The following SLC9D1 variants were observed in gnomAD, a reference collection of about 807,000 sequenced individuals.
SLC9D1 encodes the protein solute carrier family 9 member D1.
the SLC9D1 span, among the ~76,000 whole-genome samples, chr13:113,497,619 CTGCAGCTGTGTGAGTCT>C: frequency 6.7e-6 from 1 of 150,304 alleles, no homozygotes; most frequent in East Asian, 2.0e-4. Flanking sequence ...TGTGTGAGAC[CTGCAGCTGTGTGAGTCT>C]TGCAGCTGTG....
chr13:113,523,041 A>G, the SLC9D1 span, among the ~76,000 whole-genome samples: 2 of 151,944 alleles, frequency 1.3e-5, no homozygotes, highest in Non-Finnish European at 2.9e-5. Flanking sequence ...ATTTTTATAC[A>G]TTGCTGCCTT....
At chr13:113,534,326 T>G in the SLC9D1 span, 1 of 1,121,878 alleles carries the variant, frequency 8.9e-7, no homozygotes, top group Non-Finnish European at 1.3e-6. Context: ...TACCTTTCCA[T>G]TTTAATAATG....
the SLC9D1 span, among the ~76,000 whole-genome samples, chr13:113,540,720 G>C: frequency 6.6e-6 from 1 of 152,242 alleles, no homozygotes; most frequent in Non-Finnish European, 1.5e-5. Flanking sequence ...CTGGGCGGAA[G>C]CTCCTTGGCT....
At chr13:113,499,418 A>G in the SLC9D1 span, among the ~76,000 whole-genome samples, 1 of 152,200 alleles carries the variant, frequency 6.6e-6, no homozygotes, top group Non-Finnish European at 1.5e-5. Context: ...TACCCTGCTC[A>G]TATTCAAGAT....
the SLC9D1 span, among the ~76,000 whole-genome samples, chr13:113,521,227 T>A: frequency 4.0e-5 from 6 of 150,662 alleles, no homozygotes; most frequent in African/African-American, 1.5e-4. Context: ...TGGGGGGGCA[T>A]GTGTCTGCAT....
chr13:113,543,155 G>A, the SLC9D1 span, among the ~76,000 whole-genome samples: 2 of 43,298 alleles, frequency 4.6e-5, no homozygotes, highest in Non-Finnish European at 7.6e-5. Context: ...CGTGCCCCCC[G>A]CCCTACCTCT....
the SLC9D1 span, among the ~76,000 whole-genome samples, chr13:113,516,816 T>C: frequency 7.2e-5 from 11 of 152,002 alleles, no homozygotes; most frequent in African/African-American, 2.7e-4. Context: ...TGAAAACACA[T>C]AGAAAGAGGA....
chr13:113,513,228 G>C, the SLC9D1 span, among the ~76,000 whole-genome samples: 1 of 152,162 alleles, frequency 6.6e-6, no homozygotes, highest in East Asian at 1.9e-4. Context: ...ACCCTGGGGA[G>C]ACAAGTCATG....
chr13:113,503,551 T>G, the SLC9D1 span: 1 of 1,614,030 alleles, frequency 6.2e-7, no homozygotes, highest in East Asian at 2.2e-5. Flanking sequence ...ACTCTTTTTC[T>G]TGTTGGCTTA....
the SLC9D1 span, chr13:113,549,636 A>G: frequency 7.1e-7 from 1 of 1,400,662 alleles, no homozygotes; most frequent in South Asian, 1.2e-5. Context: ...GCACCTTGGC[A>G]ACAGAACAGC....
the SLC9D1 span, chr13:113,503,367 G>GAC: frequency 6.5e-6 from 4 of 619,690 alleles, no homozygotes; most frequent in African/African-American, 7.4e-5. Flanking sequence ...GTGTGTGTGT[G>GAC]TGTGTGTGTG....
At chr13:113,536,328 G>T in the SLC9D1 span, among the ~76,000 whole-genome samples, 6 of 145,626 alleles carry the variant, frequency 4.1e-5, no homozygotes, top group Non-Finnish European at 5.9e-5. Context: ...AGTTGATAGA[G>T]CAAGACTGCC....
chr13:113,495,973 T>G, the SLC9D1 span: 11 of 1,613,184 alleles, frequency 6.8e-6, no homozygotes, highest in Middle Eastern at 1.7e-4. Flanking sequence ...GTCGTGAACA[T>G]GAAGGAGAGC....
At chr13:113,504,952 C>T in the SLC9D1 span, 3 of 152,216 alleles carry the variant, frequency 2.0e-5, no homozygotes, top group African/African-American at 4.8e-5. Context: ...TCCCTGTTCC[C>T]CACATCCCTG....
the SLC9D1 span, among the ~76,000 whole-genome samples, chr13:113,506,828 G>A: frequency 6.6e-6 from 1 of 152,188 alleles, no homozygotes; most frequent in African/African-American, 2.4e-5. Context: ...AACGTAAGGT[G>A]GAGGTAATTG....
the SLC9D1 span, among the ~76,000 whole-genome samples, chr13:113,497,364 A>G: frequency 7.1e-4 from 105 of 146,866 alleles, 1 homozygote; most frequent in Non-Finnish European, 4.7e-4. Context: ...TGAGACCTGC[A>G]GCTGTGTGTG....
the SLC9D1 span, chr13:113,520,684 A>G: frequency 6.8e-6 from 11 of 1,613,822 alleles, no homozygotes; most frequent in Non-Finnish European, 8.5e-6. Context: ...CGGGCTCTTC[A>G]TGGCCGTCAT....
the SLC9D1 span, chr13:113,503,404 C>A: frequency 3.8e-6 from 3 of 791,786 alleles, no homozygotes; most frequent in Non-Finnish European, 6.4e-6. Flanking sequence ...TTGGATACTT[C>A]CACCGGGCAT....
At chr13:113,547,295 A>G in the SLC9D1 span, 1 of 1,613,814 alleles carries the variant, frequency 6.2e-7, no homozygotes, top group South Asian at 1.1e-5. Context: ...TCCTGTTCCC[A>G]ACAGGGCTCC....
Sources: allele counts gnomAD v4.1 joint callset (sites outside exome capture counted in the v4.1 genomes callset), GRCh38; gene constraint gnomAD v4.1.1; transcripts MANE v1.5; gene names NCBI Gene and HGNC (gene_info 2026-07-23, HGNC 2026-07-21).